RTL4: variants seen among roughly 807,000 people sequenced by gnomAD.
RTL4 encodes the protein retrotransposon Gag-like protein 4.
Under a neutral mutation model 5.3 loss-of-function variants are expected in RTL4, and 4 were observed. The observed-to-expected ratio is 0.75, with a 90% CI of 0.37 to 1.72. The LOEUF (loss-of-function observed/expected upper bound fraction) is 1.72, where lower values mean the gene tolerates loss of function less well. RTL4 is among the 40% of genes most tolerant of loss of function. RTL4 has a pLI of 0.04. For synonymous variants in RTL4, 98 were observed against 87.3 expected (o/e 1.12, Z -0.68); for missense variants, 260 against 227.1 (o/e 1.14, Z -0.93).
the RTL4 span, among the ~76,000 whole-genome samples, chrX:112,254,187 A>C: frequency 8.9e-6 from 1 of 111,884 alleles, no homozygotes; most frequent in South Asian, 3.8e-4. Context: ...TTAAGCTTCT[A>C]GTGACAAGAA....
the RTL4 span, among the ~76,000 whole-genome samples, chrX:112,365,640 A>G: frequency 9.0e-6 from 1 of 111,650 alleles, no homozygotes; most frequent in African/African-American, 3.2e-5. Flanking sequence ...GATATAGAAG[A>G]TCTATCTAAC....
the RTL4 span, among the ~76,000 whole-genome samples, chrX:112,159,915 C>T: frequency 9.0e-6 from 1 of 110,900 alleles, no homozygotes; most frequent in African/African-American, 3.3e-5. Context: ...ACTTCCTGTC[C>T]TCCAGGGTCC....
At chrX:112,091,989 G>A in the RTL4 span, among the ~76,000 whole-genome samples, 1 of 111,041 alleles carries the variant, frequency 9.0e-6, no homozygotes, top group Non-Finnish European at 1.9e-5. Context: ...TTTGTCTCTT[G>A]TAATAATTTT....
the RTL4 span, among the ~76,000 whole-genome samples, chrX:112,108,285 G>C: frequency 8.9e-6 from 1 of 111,874 alleles, no homozygotes; most frequent in Non-Finnish European, 1.9e-5. Flanking sequence ...TGAATTCTTT[G>C]TGTAGCAGTT....
chrX:112,190,139 CCTTT>C, the RTL4 span, among the ~76,000 whole-genome samples: 17,504 of 76,906 alleles, frequency 0.23, 1,716 homozygotes, highest in Non-Finnish European at 0.24. Flanking sequence ...GTAGCCTGTC[CCTTT>C]CTTTCTTTCT....
At chrX:112,085,498 A>C in the RTL4 span, among the ~76,000 whole-genome samples, 3 of 112,076 alleles carry the variant, frequency 2.7e-5, no homozygotes, top group Admixed American at 2.8e-4. Flanking sequence ...GGGTTTTCCC[A>C]GTCATTAAGC....
At chrX:112,248,780 G>A in the RTL4 span, among the ~76,000 whole-genome samples, 3 of 112,185 alleles carry the variant, frequency 2.7e-5, no homozygotes, top group African/African-American at 9.7e-5. Flanking sequence ...CTAGGGGGTA[G>A]TGAAACTCAG....
the RTL4 span, among the ~76,000 whole-genome samples, chrX:112,295,589 C>A: frequency 8.9e-6 from 1 of 112,431 alleles, no homozygotes; most frequent in Non-Finnish European, 1.9e-5. Flanking sequence ...CAAGGGCCAT[C>A]CCGCTTCTAC....
chrX:112,290,889 G>A, the RTL4 span, among the ~76,000 whole-genome samples: 1 of 112,111 alleles, frequency 8.9e-6, no homozygotes. Context: ...AGGAAGCTGA[G>A]ATTCAGAGAA....
At chrX:112,272,720 A>C in the RTL4 span, among the ~76,000 whole-genome samples, 1 of 108,314 alleles carries the variant, frequency 9.2e-6, no homozygotes, top group Non-Finnish European at 1.9e-5. Flanking sequence ...CAATTAAATA[A>C]AATTAAGATA....
the RTL4 span, among the ~76,000 whole-genome samples, chrX:112,220,884 A>C: frequency 8.9e-6 from 1 of 112,060 alleles, no homozygotes; most frequent in Admixed American, 9.5e-5. Context: ...GTCTCTAGGA[A>C]GTTCCAAACT....
chrX:112,229,933 G>A, the RTL4 span, among the ~76,000 whole-genome samples: 5 of 112,106 alleles, frequency 4.5e-5, no homozygotes, highest in South Asian at 7.5e-4. Context: ...GTGTCAGTCC[G>A]CCCCTACTGC....
At chrX:112,205,070 A>G in the RTL4 span, among the ~76,000 whole-genome samples, 1 of 112,229 alleles carries the variant, frequency 8.9e-6, no homozygotes, top group Non-Finnish European at 1.9e-5. Context: ...TTCCACTTAT[A>G]GTTTCAACAG....
At chrX:112,282,070 G>A in the RTL4 span, among the ~76,000 whole-genome samples, 2 of 111,991 alleles carry the variant, frequency 1.8e-5, no homozygotes. Context: ...TCAGACCAAT[G>A]TCATGGAGCT....
At chrX:112,247,994 T>C in the RTL4 span, among the ~76,000 whole-genome samples, 11 of 111,281 alleles carry the variant, frequency 9.9e-5, 1 homozygote, top group East Asian at 1.4e-3. Flanking sequence ...ATTTGGCTAA[T>C]ATTCTTCCCC....
the RTL4 span, among the ~76,000 whole-genome samples, chrX:112,114,955 G>C: frequency 9.0e-6 from 1 of 111,213 alleles, no homozygotes; most frequent in Admixed American, 9.6e-5. Flanking sequence ...ATCAGAGAGC[G>C]AATATTGGGG....
At chrX:112,284,957 G>A in the RTL4 span, among the ~76,000 whole-genome samples, 3 of 111,668 alleles carry the variant, frequency 2.7e-5, no homozygotes, top group South Asian at 3.7e-4. Flanking sequence ...TTCTCAAAAC[G>A]TCCAGCAAAG....
At chrX:112,303,169 G>A in the RTL4 span, among the ~76,000 whole-genome samples, 5 of 111,818 alleles carry the variant, frequency 4.5e-5, no homozygotes, top group African/African-American at 1.6e-4. Context: ...TTATTTCATT[G>A]TTTATATTAC....
At chrX:112,209,541 C>A in the RTL4 span, among the ~76,000 whole-genome samples, 2 of 111,686 alleles carry the variant, frequency 1.8e-5, no homozygotes, top group African/African-American at 6.5e-5. Context: ...CCTCTGTTAA[C>A]TGATCATAGG....
Sources: allele counts gnomAD v4.1 joint callset (sites outside exome capture counted in the v4.1 genomes callset), GRCh38; gene constraint gnomAD v4.1.1; transcripts MANE v1.5; gene names NCBI Gene and HGNC (gene_info 2026-07-23, HGNC 2026-07-21).